The following CNTNAP2 variants were observed in gnomAD, a reference collection of about 807,000 sequenced individuals.
CNTNAP2 encodes contactin-associated protein-like 2.
CNTNAP2 carries 98 observed loss-of-function variants against 155.2 expected under a neutral mutation model. The ratio of observed to expected loss-of-function variants is 0.63; its 90% CI spans 0.54 to 0.75. CNTNAP2 has a LOEUF of 0.75. Among genes scored for constraint, CNTNAP2 ranks in the 30% least tolerant of loss-of-function variants. The probability of loss-of-function intolerance (pLI) is 0.00; values close to 1 mark genes in which losing one functional copy is unlikely to be tolerated. For missense variants in CNTNAP2, 1,727 were observed against 1,688.1 expected (o/e 1.02, Z -0.40); for synonymous variants, 651 against 631.2 (o/e 1.03, Z -0.47).
chr7:146,727,171 G>A (rs1245611203), intron 1 of CNTNAP2, among the ~76,000 whole-genome samples: 1 of 151,920 alleles, frequency 6.6e-6, no homozygotes, highest in Non-Finnish European at 1.5e-5. Flanking sequence ...AAATAAATAC[G>A]AGATATCCCC....
At chr7:148,364,510 G>T (rs1798693558) in intron 21 of CNTNAP2, among the ~76,000 whole-genome samples, 1 of 152,030 alleles carries the variant, frequency 6.6e-6, no homozygotes, top group Non-Finnish European at 1.5e-5. Context: ...TCTGTATCTA[G>T]CTCAAGGTTT....
intron 15 of CNTNAP2, among the ~76,000 whole-genome samples, chr7:148,054,332 C>A (rs1802967456): frequency 6.6e-6 from 1 of 151,622 alleles, no homozygotes; most frequent in South Asian, 2.1e-4. Flanking sequence ...GCTTCCTCGT[C>A]TGTAAAATAT....
intron 1 of CNTNAP2, among the ~76,000 whole-genome samples, chr7:146,244,987 G>A (rs1200717812): frequency 3.3e-5 from 5 of 152,122 alleles, no homozygotes; most frequent in Non-Finnish European, 7.4e-5. Flanking sequence ...TAGAATAGCA[G>A]ATGGAACACT....
chr7:147,106,420 T>C (rs1187862511), intron 4 of CNTNAP2, among the ~76,000 whole-genome samples: 1 of 152,140 alleles, frequency 6.6e-6, no homozygotes, highest in Non-Finnish European at 1.5e-5. Flanking sequence ...TTTGCAGTGT[T>C]AGCAGAAGCC....
chr7:147,944,813 C>G (rs760004206), intron 14 of CNTNAP2, among the ~76,000 whole-genome samples: 1 of 152,154 alleles, frequency 6.6e-6, no homozygotes. Context: ...CCTCCTTTCT[C>G]TCCCCAATGT....
intron 21 of CNTNAP2, among the ~76,000 whole-genome samples, chr7:148,335,663 A>C (rs1430406267): frequency 1.3e-5 from 2 of 152,212 alleles, no homozygotes; most frequent in Non-Finnish European, 2.9e-5. Flanking sequence ...CCTGCTCCCC[A>C]GCTAATCATC....
At chr7:148,207,417 G>A (rs531022904) in intron 18 of CNTNAP2, among the ~76,000 whole-genome samples, 1 of 152,240 alleles carries the variant, frequency 6.6e-6, no homozygotes, top group South Asian at 2.1e-4. Context: ...AGGGGACCAA[G>A]AGCGTTAGTC....
chr7:147,330,432 A>G (rs1584878324), intron 9 of CNTNAP2, among the ~76,000 whole-genome samples: 1 of 152,138 alleles, frequency 6.6e-6, no homozygotes, highest in African/African-American at 2.4e-5. Context: ...ACTCTAGCAA[A>G]TTATTGAACC....
intron 10 of CNTNAP2, among the ~76,000 whole-genome samples, chr7:147,460,935 T>C (rs916916381): frequency 6.6e-6 from 1 of 152,190 alleles, no homozygotes; most frequent in African/African-American, 2.4e-5. Context: ...GCCGAATACA[T>C]TGACTTATTT....
At chr7:147,364,322 G>T (rs1796191263) in intron 9 of CNTNAP2, among the ~76,000 whole-genome samples, 1 of 152,128 alleles carries the variant, frequency 6.6e-6, no homozygotes, top group African/African-American at 2.4e-5. Context: ...TGAACACTTA[G>T]AAAATTATAT....
chr7:147,690,140 G>T (rs992998669), intron 13 of CNTNAP2, among the ~76,000 whole-genome samples: 1 of 152,028 alleles, frequency 6.6e-6, no homozygotes, highest in African/African-American at 2.4e-5. Flanking sequence ...CAGATCCTTA[G>T]CATGGCCCAC....
chr7:146,206,136 G>T (rs567456065), intron 1 of CNTNAP2, among the ~76,000 whole-genome samples: 1 of 151,910 alleles, frequency 6.6e-6, no homozygotes, highest in Non-Finnish European at 1.5e-5. Context: ...ACATAAGTTT[G>T]TATTGTGAAT....
At chr7:146,855,167 GA>G (rs1275310486) in intron 3 of CNTNAP2, among the ~76,000 whole-genome samples, 1 of 152,106 alleles carries the variant, frequency 6.6e-6, no homozygotes, top group Non-Finnish European at 1.5e-5. Flanking sequence ...GGCAAAGACC[GA>G]AAAGGTTGTT....
chr7:147,162,745 T>C (rs1206482655), intron 8 of CNTNAP2, among the ~76,000 whole-genome samples: 3 of 152,188 alleles, frequency 2.0e-5, no homozygotes, highest in African/African-American at 7.2e-5. Flanking sequence ...GGCTAATGTA[T>C]GTCAGCTGAA....
At position 147,834,763 on chromosome 7, in the gene CNTNAP2, G is replaced by A. The variant is rs188641969; in HGVS notation, c.2099-68802G>A. ...AATTTTTGTCATAAATAAATACAGT[G>A]GACGTCATTTATGTCCATTTTGAGT... On this transcript the variant is annotated intron_variant, in intron 13 of 23. Transcript: ENST00000361727. Among the ~76,000 whole-genome samples, 5 of 152,202 alleles carry A rather than the reference G, an allele frequency of 3.3e-5. No homozygotes were observed. The East Asian group carries it at 9.6e-4, about 29-fold the overall frequency.
intron 21 of CNTNAP2, among the ~76,000 whole-genome samples, chr7:148,364,328 A>C (rs572761236): frequency 6.6e-6 from 1 of 152,334 alleles, no homozygotes; most frequent in African/African-American, 2.4e-5. Context: ...TTGTAAATAC[A>C]CCAATCGGGA....
intron 2 of CNTNAP2, among the ~76,000 whole-genome samples, chr7:146,829,698 G>A (rs888247865): frequency 5.5e-4 from 83 of 151,908 alleles, no homozygotes; most frequent in African/African-American, 1.9e-3. Flanking sequence ...AAAACCTTAC[G>A]TGTTTATTCT....
chr7:146,402,081 A>G (rs1431110985), intron 1 of CNTNAP2, among the ~76,000 whole-genome samples: 3 of 152,202 alleles, frequency 2.0e-5, no homozygotes, highest in Admixed American at 6.5e-5. Flanking sequence ...TCAGAAGTTG[A>G]AGGTCTTCCA....
intron 22 of CNTNAP2, among the ~76,000 whole-genome samples, chr7:148,387,989 A>G (rs1245855985): frequency 6.6e-6 from 1 of 152,146 alleles, no homozygotes; most frequent in Non-Finnish European, 1.5e-5. Context: ...TAAATGCCAT[A>G]GCAATGTCAG....
Sources: gnomAD v4.1 joint callset for allele counts (sites outside exome capture counted in the v4.1 genomes callset) on GRCh38, gnomAD v4.1.1 for gene constraint, MANE v1.5 for transcripts, NCBI Gene and HGNC (gene_info 2026-07-23, HGNC 2026-07-21) for gene names.